The following FKBP5 variants were observed in gnomAD, a reference collection of about 807,000 sequenced individuals.
FKBP5 encodes FKBP prolyl isomerase 5.
A neutral mutation model predicts 50.5 loss-of-function variants in FKBP5; 23 were observed. That is an observed-to-expected ratio of 0.46 (90% CI 0.33 to 0.65). The LOEUF (loss-of-function observed/expected upper bound fraction) is 0.65, where lower values mean the gene tolerates loss of function less well. Ranked by LOEUF, FKBP5 falls within the 30% of genes least tolerant of loss-of-function variation. The pLI is 0.02. For synonymous variants in FKBP5, 176 were observed against 190.6 expected (o/e 0.92, Z 0.63); for missense variants, 411 against 553.1 (o/e 0.74, Z 2.58).
At chr6:35,708,849 T>A (rs1056939388) in intron 2 of FKBP5, among the ~76,000 whole-genome samples, 1 of 152,126 alleles carries the variant, frequency 6.6e-6, no homozygotes, top group Non-Finnish European at 1.5e-5. Context: ...AGAAGCCCCA[T>A]GTTGAAGATG....
At chr6:35,641,074 G>A (rs555761250) in intron 2 of FKBP5, among the ~76,000 whole-genome samples, 3 of 152,252 alleles carry the variant, frequency 2.0e-5, no homozygotes, top group African/African-American at 7.2e-5. Context: ...GAACTCCCAG[G>A]CTTACATGAT....
intron 1 of FKBP5, among the ~76,000 whole-genome samples, chr6:35,688,210 C>A (rs1484103439): frequency 6.6e-6 from 1 of 152,218 alleles, no homozygotes; most frequent in African/African-American, 2.4e-5. Context: ...ACACCCGGAG[C>A]GCGGCCACCC....
At chr6:35,626,247 T>C (rs556892052) in intron 3 of FKBP5, among the ~76,000 whole-genome samples, 82 of 152,332 alleles carry the variant, frequency 5.4e-4, no homozygotes, top group African/African-American at 1.9e-3. Context: ...TTTATACGTA[T>C]GTAACTATAG....
upstream of FKBP5, among the ~76,000 whole-genome samples, chr6:35,692,870 GT>G (rs1418694218): frequency 1.3e-5 from 2 of 150,662 alleles, no homozygotes; most frequent in East Asian, 3.9e-4. Flanking sequence ...CCTTTGAATA[GT>G]TTTTCCTCAG....
At chr6:35,702,153 G>A (rs1461832135) in intron 2 of FKBP5, among the ~76,000 whole-genome samples, 1 of 151,788 alleles carries the variant, frequency 6.6e-6, no homozygotes, top group East Asian at 1.9e-4. Context: ...TGGCTGGAAT[G>A]TTGTATTTTT....
At chr6:35,605,684 C>T (rs1345094803) in intron 5 of FKBP5, among the ~76,000 whole-genome samples, 1 of 152,032 alleles carries the variant, frequency 6.6e-6, no homozygotes, top group African/African-American at 2.4e-5. Flanking sequence ...AGGTGTGAAC[C>T]ACTGCACCCA....
At chr6:35,713,160 G>A (rs1766445496) in intron 2 of FKBP5, among the ~76,000 whole-genome samples, 1 of 151,876 alleles carries the variant, frequency 6.6e-6, no homozygotes, top group African/African-American at 2.4e-5. Context: ...TTAGTAGAGT[G>A]GGCATAAGCG....
chr6:35,666,394 T>TAAAAAAGAAA (rs1765219174), intron 1 of FKBP5, among the ~76,000 whole-genome samples: 1 of 33,268 alleles, frequency 3.0e-5, no homozygotes, highest in African/African-American at 1.1e-4. Context: ...CTATTATAGT[T>TAAAAAAGAAA]AAAAAAAAAA....
At chr6:35,620,563 TAAAA>T (rs564725729) in intron 3 of FKBP5, among the ~76,000 whole-genome samples, 1 of 122,644 alleles carries the variant, frequency 8.2e-6, no homozygotes. Flanking sequence ...ACCTCATCTC[TAAAA>T]AAAAAAAAAA....
At chr6:35,617,683 A>C (rs759791511) in intron 5 of FKBP5, among the ~76,000 whole-genome samples, 2 of 152,206 alleles carry the variant, frequency 1.3e-5, no homozygotes, top group Non-Finnish European at 2.9e-5. Flanking sequence ...CTGAACACCA[A>C]ATGTGTGTCA....
At chr6:35,630,706 C>CTGTA (rs1250301310) in intron 3 of FKBP5, among the ~76,000 whole-genome samples, 1 of 152,204 alleles carries the variant, frequency 6.6e-6, no homozygotes, top group African/African-American at 2.4e-5. Flanking sequence ...CTGCCACTTA[C>CTGTA]TGTATAGCCT....
At chr6:35,582,116 C>A (rs991477661) in intron 8 of FKBP5, 3 of 985,346 alleles carry the variant, frequency 3.0e-6, no homozygotes, top group Non-Finnish European at 3.6e-6. Flanking sequence ...TGAATGAGGG[C>A]CAGGCTACAT....
chr6:35,663,512 A>G (rs1765128042), intron 1 of FKBP5, among the ~76,000 whole-genome samples: 1 of 152,216 alleles, frequency 6.6e-6, no homozygotes, highest in African/African-American at 2.4e-5. Context: ...GATAAAATCC[A>G]AAGTCCTTCT....
At chr6:35,627,681 T>G (rs1192353704) in intron 3 of FKBP5, among the ~76,000 whole-genome samples, 1 of 152,216 alleles carries the variant, frequency 6.6e-6, no homozygotes, top group Non-Finnish European at 1.5e-5. Context: ...TTACTTTTGT[T>G]GCCTGTACTT....
intron 5 of FKBP5, among the ~76,000 whole-genome samples, chr6:35,616,085 G>C (rs1763645741): frequency 6.6e-6 from 1 of 152,092 alleles, no homozygotes; most frequent in Admixed American, 6.5e-5. Flanking sequence ...GGCTGAGGCG[G>C]GTGTATCACC....
chr6:35,636,296 T>C (rs1400506427), intron 3 of FKBP5, among the ~76,000 whole-genome samples: 5 of 151,774 alleles, frequency 3.3e-5, no homozygotes, highest in Admixed American at 6.5e-5. Flanking sequence ...GAAAACTTAA[T>C]GGCAAAAAAC....
chr6:35,613,955 G>T (rs1012622822), intron 5 of FKBP5, among the ~76,000 whole-genome samples: 1 of 152,112 alleles, frequency 6.6e-6, no homozygotes, highest in African/African-American at 2.4e-5. Flanking sequence ...GAGTACAGTG[G>T]CATGATCACA....
At chr6:35,679,869 T>A in intron 1 of FKBP5, among the ~76,000 whole-genome samples, 1 of 152,106 alleles carries the variant, frequency 6.6e-6, no homozygotes, top group Non-Finnish European at 1.5e-5. Flanking sequence ...CATGATATAA[T>A]TCATCCATGT....
intron 2 of FKBP5, among the ~76,000 whole-genome samples, chr6:35,719,524 A>G (rs1435244916): frequency 6.6e-6 from 1 of 152,246 alleles, no homozygotes; most frequent in African/African-American, 2.4e-5. Context: ...ACACATACAG[A>G]AAAATACACG....
Sources: allele counts gnomAD v4.1 joint callset (sites outside exome capture counted in the v4.1 genomes callset), GRCh38; gene constraint gnomAD v4.1.1; transcripts MANE v1.5; gene names NCBI Gene and HGNC (gene_info 2026-07-23, HGNC 2026-07-21).